The following ZNF626 variants were observed in gnomAD, a reference collection of about 807,000 sequenced individuals.
The protein encoded by ZNF626 is zinc finger protein 626, also known as CTC-513N18.7.
In ZNF626, 4 loss-of-function variants were observed where a neutral mutation model predicts 11.7. The ratio of observed to expected loss-of-function variants is 0.34; its 90% confidence interval spans 0.17 to 0.78. The LOEUF (loss-of-function observed/expected upper bound fraction) is 0.78. Ranked by LOEUF, ZNF626 falls within the 30% of genes least tolerant of loss-of-function variation. The probability of loss-of-function intolerance (pLI) is 0.57; values close to 1 mark genes in which losing one functional copy is unlikely to be tolerated. For missense variants in ZNF626, 588 were observed against 587.1 expected (o/e 1.00, Z -0.01); for synonymous variants, 179 against 198.6 (o/e 0.90, Z 0.83).
chr19:20,656,052 G>A (rs1970201770), intron 1 of ZNF626, among the ~76,000 whole-genome samples: 1 of 152,078 alleles, frequency 6.6e-6, no homozygotes, highest in South Asian at 2.1e-4. Context: ...TGTTTACAGG[G>A]GAAAAACCAG....
intron 1 of ZNF626, among the ~76,000 whole-genome samples, chr19:20,651,211 TAAC>T (rs1323811511): frequency 1.1e-4 from 16 of 150,542 alleles, no homozygotes; most frequent in South Asian, 2.1e-4. Context: ...AAAGAAATTA[TAAC>T]AACAATTCTT....
In ZNF626 at chr19:20,624,157, A is replaced by G. The variant is rs1969790073; in HGVS notation, c.*133T>C. On this transcript the variant is annotated 3_prime_UTR_variant, in exon 4 of 4. Transcript: ENST00000601440. ...TGTAGTAAGTTTAGAGGAGTGCTTA[A>G]AGGCTTTGCCACATTCTTCACATCT... is the stretch of plus-strand genomic sequence containing the variant. 6.9e-7 allele frequency: 1 copy of G among 1,451,522 alleles called. No homozygotes were observed. The highest frequency in any genetic ancestry group is 9.7e-7 in the Non-Finnish European group (1 of 1,036,084). The allele number at this position is 1,451,522 out of a possible 1,614,324, so 89.9% of individuals were successfully genotyped here. A position where few individuals can be genotyped will look rare whatever the true frequency, so the allele number is the denominator to read the frequency against.
intron 3 of ZNF626, among the ~76,000 whole-genome samples, chr19:20,630,826 T>A (rs1245326064): frequency 6.9e-6 from 1 of 144,848 alleles, no homozygotes; most frequent in African/African-American, 2.7e-5. Context: ...CTGCTAGCTT[T>A]TGAATGTTTG....
rs1051709122 is a variant in ZNF626 at position 20,623,909 on chromosome 19, T to C, written c.*381A>G. The C allele has an allele frequency of 2.8e-6, 1 of 358,080 alleles. No homozygotes were observed. Among genetic ancestry groups the C allele is most frequent in the Non-Finnish European group, 5.4e-6 (1 of 184,276 alleles). The allele number at this position is 358,080 out of a possible 1,614,324, so 22.2% of individuals were successfully genotyped here. On this transcript the variant is annotated 3_prime_UTR_variant, in exon 4 of 4. Transcript: ENST00000601440. Reference sequence around the variant, plus strand: ...TGTGTAATAAAGGTTGAGAAGTTCCTTAAAAAATCTGTCACATTCTTTATA... The same window carrying C: ...TGTGTAATAAAGGTTGAGAAGTTCCCTAAAAAATCTGTCACATTCTTTATA...
intron 1 of ZNF626, 32 bp from the exon 2 acceptor site, chr19:20,646,437 A>C (rs1555771928): frequency 6.2e-7 from 1 of 1,613,478 alleles, no homozygotes; most frequent in Non-Finnish European, 8.5e-7. Flanking sequence ...ATTTTTACCA[A>C]GTGGCCATGG....
At chr19:20,647,971 G>A (rs927918883) in intron 1 of ZNF626, among the ~76,000 whole-genome samples, 1 of 151,910 alleles carries the variant, frequency 6.6e-6, no homozygotes, top group Non-Finnish European at 1.5e-5. Flanking sequence ...ACAAGGTCAG[G>A]AGTTCGAGAC....
rs1047519605 is a variant in ZNF626, at chr19:20,661,543, G to A, written c.-97C>T. ...GCCTGGGCCTTTAGGAGAAGAACCA[G>A]ACCTGGAGCTCTGACTGCAGCGAGA... On this transcript the variant is annotated 5_prime_UTR_variant, in exon 1 of 4. Coordinates refer to ENST00000601440, the MANE Select transcript of ZNF626 (RefSeq NM_001076675.3). The A allele has an allele frequency of 6.1e-6, 5 of 814,752 alleles. No homozygotes were observed. Among genetic ancestry groups the A allele is most frequent in the Admixed American group, 2.7e-5 (1 of 37,550 alleles). 50.5% of individuals were successfully genotyped at this position (814,752 alleles called of 1,614,324 possible). A position where few individuals can be genotyped will look rare whatever the true frequency, so the allele number is the denominator to read the frequency against.
chr19:20,635,664 A>G (rs998171894), intron 3 of ZNF626, among the ~76,000 whole-genome samples: 10 of 152,236 alleles, frequency 6.6e-5, no homozygotes, highest in African/African-American at 1.9e-4. Context: ...TTTGACACAT[A>G]ACGCATAAGT....
In ZNF626 at chr19:20,623,524, C is replaced by A. The variant is rs1356615045; in HGVS notation, c.*766G>T. 1.3e-5 allele frequency: 2 copies of A among 155,066 alleles called. No individual in the cohort carries two copies. The highest frequency in any genetic ancestry group is 6.3e-5 in the Admixed American group (1 of 15,886). 9.6% of individuals were successfully genotyped at this position (155,066 alleles called of 1,614,324 possible). A position where few individuals can be genotyped will look rare whatever the true frequency, so the allele number is the denominator to read the frequency against. On this transcript the variant is annotated 3_prime_UTR_variant, in exon 4 of 4. Coordinates refer to ENST00000601440, the MANE Select transcript of ZNF626 (RefSeq NM_001076675.3). ...TTAATAGTAAGAACTTGTGGCCAGG[C>A]ATGGTGGCTCATGCCTGTAATTGCA...
intron 3 of ZNF626, among the ~76,000 whole-genome samples, chr19:20,626,835 T>TA (rs539555076): frequency 6.6e-6 from 1 of 151,982 alleles, no homozygotes; most frequent in Non-Finnish European, 1.5e-5. Context: ...GCCAACATGG[T>TA]AAAAACCCAT....
At chr19:20,635,966 C>T (rs1054688275) in intron 3 of ZNF626, among the ~76,000 whole-genome samples, 11 of 152,094 alleles carry the variant, frequency 7.2e-5, no homozygotes, top group African/African-American at 1.2e-4. Context: ...AACCCTGTCT[C>T]TACTAAAAGT....
At chr19:20,654,438 G>A (rs1205579237) in intron 1 of ZNF626, among the ~76,000 whole-genome samples, 2 of 141,970 alleles carry the variant, frequency 1.4e-5, no homozygotes, top group East Asian at 2.5e-4. Context: ...GGCCAGGCGC[G>A]GTGGCTTACA....
At chr19:20,633,203 G>A (rs544649862) in intron 3 of ZNF626, among the ~76,000 whole-genome samples, 1 of 152,314 alleles carries the variant, frequency 6.6e-6, no homozygotes, top group South Asian at 2.1e-4. Flanking sequence ...CTACTGGGGG[G>A]TGCCTCCCAG....
chr19:20,660,520 G>A (rs915555201), intron 1 of ZNF626, among the ~76,000 whole-genome samples: 2 of 151,988 alleles, frequency 1.3e-5, no homozygotes, highest in African/African-American at 4.8e-5. Context: ...TCCGCCTCCC[G>A]GGTTCAAGCA....
At chr19:20,646,516 G>A in intron 1 of ZNF626, 111 bp from the exon 2 acceptor site, 1 of 1,542,952 alleles carries the variant, frequency 6.5e-7, no homozygotes, top group South Asian at 1.2e-5. Context: ...TTATAGGACT[G>A]ACTAAAATTA....
In ZNF626 at chr19:20,622,740, C is replaced by A. The variant is rs1185095564; in HGVS notation, c.*1550G>T. 6.6e-6 allele frequency: 1 copy of A among 152,140 alleles called. No homozygotes were observed. The highest frequency in any genetic ancestry group is 2.4e-5 in the African/African-American group (1 of 41,442). The allele number at this position is 152,140 out of a possible 1,614,324, so 9.4% of individuals were successfully genotyped here. A position where few individuals can be genotyped will look rare whatever the true frequency, so the allele number is the denominator to read the frequency against. ...TTAGTTGTGAATTCATTTATATACT[C>A]AACACTCTTATTTAATGTAATGTCT... On this transcript the variant is annotated 3_prime_UTR_variant, in exon 4 of 4. Transcript: ENST00000601440.
intron 1 of ZNF626, among the ~76,000 whole-genome samples, chr19:20,660,572 A>G (rs576300132): frequency 2.2e-4 from 34 of 152,216 alleles, no homozygotes; most frequent in African/African-American, 8.2e-4. Context: ...TACTACAGGC[A>G]CGTGCCAACA....
At chr19:20,656,420 A>G (rs1216927896) in intron 1 of ZNF626, among the ~76,000 whole-genome samples, 1 of 152,180 alleles carries the variant, frequency 6.6e-6, no homozygotes, top group Non-Finnish European at 1.5e-5. Flanking sequence ...AATTGCAACA[A>G]AAGCAAAAAC....
chr19:20,654,070 A>G (rs182452864), intron 1 of ZNF626, among the ~76,000 whole-genome samples: 1 of 152,364 alleles, frequency 6.6e-6, no homozygotes, highest in East Asian at 1.9e-4. Context: ...TTCTTTGGAT[A>G]TTAGATATAA....
Sources: allele counts gnomAD v4.1 joint callset (sites outside exome capture counted in the v4.1 genomes callset), GRCh38; gene constraint gnomAD v4.1.1; transcripts MANE v1.5; gene names NCBI Gene and HGNC (gene_info 2026-07-23, HGNC 2026-07-21).